Variants in ANO3 observed in about 807,000 individuals in gnomAD.
The protein encoded by ANO3 is anoctamin-3.
Under a neutral mutation model 144.8 loss-of-function variants are expected in ANO3, and 99 were observed. The observed-to-expected ratio is 0.68, with a 90% CI of 0.58 to 0.81. ANO3 has a LOEUF of 0.81. ANO3 is among the 30% of genes least tolerant of loss of function. ANO3 has a pLI of 0.00. For missense variants in ANO3, 905 were observed against 1,202.2 expected (o/e 0.75, Z 3.66); for synonymous variants, 414 against 392.6 (o/e 1.05, Z -0.64).
At chr11:26,327,792 C>T (rs1452983206), upstream of ANO3, among the ~76,000 whole-genome samples, 2 of 152,314 alleles carry the variant, frequency 1.3e-5, no homozygotes, top group Non-Finnish European at 2.9e-5. Flanking sequence ...GCAATCACTA[C>T]AATCAAGGCA....
chr11:26,309,349 G>C (rs1402920644), upstream of ANO3, among the ~76,000 whole-genome samples: 1 of 152,100 alleles, frequency 6.6e-6, no homozygotes, highest in East Asian at 1.9e-4. Context: ...ACCCACCCTA[G>C]GAAAATGTAA....
At chr11:26,313,322 A>G (rs1459700764) in intron 1 of ANO3, among the ~76,000 whole-genome samples, 1 of 152,226 alleles carries the variant, frequency 6.6e-6, no homozygotes, top group Non-Finnish European at 1.5e-5. Context: ...TGGATTCAAA[A>G]TTAGAAGAAT....
At chr11:26,452,836 T>G (rs1377750791) in intron 3 of ANO3, among the ~76,000 whole-genome samples, 1 of 152,112 alleles carries the variant, frequency 6.6e-6, no homozygotes, top group African/African-American at 2.4e-5. Flanking sequence ...AGAGAAAGGA[T>G]GGGTTACCTA....
chr11:26,398,598 G>C (rs1348682231), intron 1 of ANO3, among the ~76,000 whole-genome samples: 1 of 152,008 alleles, frequency 6.6e-6, no homozygotes, highest in Non-Finnish European at 1.5e-5. Context: ...ATCTCATAAT[G>C]TAACATGGAT....
intron 5 of ANO3, among the ~76,000 whole-genome samples, chr11:26,516,314 G>A (rs751097072): frequency 2.0e-4 from 31 of 151,398 alleles, no homozygotes; most frequent in Admixed American, 1.9e-3. Context: ...ACGACTCTAC[G>A]AGATAACAGA....
At chr11:26,393,298 C>G (rs1486676821) in intron 1 of ANO3, among the ~76,000 whole-genome samples, 1 of 152,080 alleles carries the variant, frequency 6.6e-6, no homozygotes, top group Non-Finnish European at 1.5e-5. Flanking sequence ...GTACCAAGCA[C>G]ATTCCTATGT....
chr11:26,392,563 G>A (rs1393108085), intron 1 of ANO3, among the ~76,000 whole-genome samples: 2 of 152,012 alleles, frequency 1.3e-5, no homozygotes, highest in Non-Finnish European at 2.9e-5. Flanking sequence ...GTGAATTATA[G>A]TTGGAAAAGA....
chr11:26,267,201 C>T (rs1191105861), intron 1 of ANO3, among the ~76,000 whole-genome samples: 1 of 151,946 alleles, frequency 6.6e-6, no homozygotes, highest in Non-Finnish European at 1.5e-5. Flanking sequence ...CACACACACA[C>T]ACCCCCAAAA....
At chr11:26,641,784 C>T (rs957460611) in intron 21 of ANO3, 112 bp from the exon 22 acceptor site, 28 of 1,136,976 alleles carry the variant, frequency 2.5e-5, no homozygotes, top group Non-Finnish European at 3.1e-5. Context: ...AACCAAATAC[C>T]TCCAATTCCG....
At chr11:26,302,116 T>C (rs1433167426) in intron 1 of ANO3, among the ~76,000 whole-genome samples, 4 of 152,206 alleles carry the variant, frequency 2.6e-5, no homozygotes, top group African/African-American at 7.2e-5. Flanking sequence ...TAATTTCTTA[T>C]ACATAAACTG....
Position 26,547,430 on chromosome 11 carries a change from A to G in ANO3, c.1169A>G (p.Glu390Gly), listed in dbSNP as rs2134217392. Residue 390 changes from glutamate (E) to glycine (G), a missense_variant, in exon 12 of 27, where the codon GAG becomes GGG. Physicochemically the swap from Glu to Gly is moderately conservative, Grantham distance 98. This residue lies in a region of ANO3 where 597 missense variants were observed against 865.1 expected (regional missense o/e 0.69). Coordinates refer to ENST00000256737, the MANE Select transcript of ANO3 (RefSeq NM_031418.4). ...TTCTCATGCAGGCTATACTTTGGTG[A>G]GAAGATTGGACTATACTTTGCTTGG... Reference protein sequence around the residue: ...PLDLIRLYFGEKIGLYFAWLG... With the variant: ...PLDLIRLYFGGKIGLYFAWLG... 1 of 1,611,690 alleles carries G rather than the reference A, an allele frequency of 6.2e-7. No individual in the cohort carries two copies. The highest frequency in any genetic ancestry group is 1.7e-4 in the Middle Eastern group (1 of 6,042).
chr11:26,527,756 T>A (rs2134171819), intron 7 of ANO3, among the ~76,000 whole-genome samples: 1 of 152,286 alleles, frequency 6.6e-6, no homozygotes, highest in Non-Finnish European at 1.5e-5. Context: ...TTATTATCAC[T>A]GCAATTTATT....
intron 9 of ANO3, among the ~76,000 whole-genome samples, chr11:26,537,137 G>T (rs1849531363): frequency 6.6e-6 from 1 of 151,842 alleles, no homozygotes; most frequent in African/African-American, 2.4e-5. Flanking sequence ...AACTAAATGG[G>T]TTAAATGCCC....
chr11:26,542,092 A>G lies in ANO3; in HGVS notation c.1154+24A>G, dbSNP rs781657291. On this transcript the variant is annotated intron_variant, in intron 11 of 26. Transcript: ENST00000256737. ...AGGTACTGCAAATGGAACAATAATGAAAAGCAAAGTATTCTGTTTTGTGTC... is the reference window on the plus strand; with the variant it reads ...AGGTACTGCAAATGGAACAATAATGGAAAGCAAAGTATTCTGTTTTGTGTC... 13 of 1,602,896 alleles carry G rather than the reference A, an allele frequency of 8.1e-6. No individual in the cohort carries two copies. The Admixed American group carries it at 1.9e-4, about 23-fold the overall frequency.
chr11:26,574,603 T>TA (rs1850939001), intron 14 of ANO3, among the ~76,000 whole-genome samples: 1 of 152,184 alleles, frequency 6.6e-6, no homozygotes, highest in Non-Finnish European at 1.5e-5. Context: ...TTTAATGATA[T>TA]TCTTTATAAA....
chr11:26,306,226 G>T (rs1000949857), upstream of ANO3, among the ~76,000 whole-genome samples: 28 of 150,400 alleles, frequency 1.9e-4, no homozygotes, highest in African/African-American at 6.4e-4. Context: ...AGCCCGCCTC[G>T]GCCTCCCAAA....
At chr11:26,268,987 G>A (rs538729408) in intron 1 of ANO3, among the ~76,000 whole-genome samples, 1 of 152,236 alleles carries the variant, frequency 6.6e-6, no homozygotes, top group African/African-American at 2.4e-5. Context: ...CTTAGGGGAG[G>A]TTCCCTCAAC....
At chr11:26,643,063 T>G in intron 22 of ANO3, 119 bp from the exon 23 acceptor site, 14 of 855,514 alleles carry the variant, frequency 1.6e-5, no homozygotes, top group Non-Finnish European at 2.4e-5. Flanking sequence ...AACTGTAAAA[T>G]GAGATAAAGC....
At chr11:26,243,220 G>A (rs1852699655) in intron 1 of ANO3, among the ~76,000 whole-genome samples, 1 of 152,030 alleles carries the variant, frequency 6.6e-6, no homozygotes, top group Non-Finnish European at 1.5e-5. Flanking sequence ...GTTTTCAGAA[G>A]GTTGTTGCCA....
Sources: gnomAD v4.1 joint callset for allele counts (sites outside exome capture counted in the v4.1 genomes callset) on GRCh38, gnomAD v4.1.1 for gene constraint, gnomAD v4.1.1 regional missense constraint, MANE v1.5 for transcripts, NCBI Gene and HGNC (gene_info 2026-07-23, HGNC 2026-07-21) for gene names.